Variants in RAB27B observed in about 807,000 individuals in gnomAD.
RAB27B encodes RAB27B, member RAS oncogene family.
Under a neutral mutation model 24.6 loss-of-function variants are expected in RAB27B, and 15 were observed. That is an observed-to-expected ratio of 0.61 (90% confidence interval 0.41 to 0.94). The LOEUF is 0.94. Ranked by LOEUF, RAB27B falls within the 40% of genes least tolerant of loss-of-function variation. The pLI, the probability that RAB27B is intolerant of heterozygous loss-of-function variation, is 0.00. For synonymous variants in RAB27B, 105 were observed against 92.5 expected (o/e 1.14, Z -0.78); for missense variants, 261 against 266.8 (o/e 0.98, Z 0.15).
chr18:54,873,546 T>C (rs2064814307), intron 1 of RAB27B, among the ~76,000 whole-genome samples: 1 of 152,186 alleles, frequency 6.6e-6, no homozygotes, highest in African/African-American at 2.4e-5. Flanking sequence ...TTTAGCCCAG[T>C]TCTAGGAAAA....
chr18:54,879,624 C>T, intron 3 of RAB27B, 170 bp downstream of exon 3: 1 of 607,268 alleles, frequency 1.6e-6, no homozygotes, highest in Non-Finnish European at 2.9e-6. Flanking sequence ...TAATTAATCA[C>T]AGTAGCACTG....
In RAB27B at chr18:54,844,408, C is replaced by CT. The variant is rs148747981; in HGVS notation, c.-20+15726dup. ...TTTCTTTCTTTCTTTCTTTTCTTTTCTTTTTTTTTTTTTTTTTTGATACAG... is the reference window on the plus strand; with the variant it reads ...TTTCTTTCTTTCTTTCTTTTCTTTTCTTTTTTTTTTTTTTTTTTTGATACAG... On this transcript the variant is annotated intron_variant, in intron 1 of 5. Transcript: ENST00000262094. Among the ~76,000 whole-genome samples, 525 of 107,864 alleles carry CT rather than the reference C, an allele frequency of 4.9e-3. 22 individuals carry two copies. Among genetic ancestry groups the CT allele is most frequent in the South Asian group, 0.036 (112 of 3,138 alleles). 70.8% of individuals were successfully genotyped at this position (107,864 alleles called of 152,430 possible). A position where few individuals can be genotyped will look rare whatever the true frequency, so the allele number is the denominator to read the frequency against.
At chr18:54,804,175 T>C (rs1173954987) in intron 2 of RAB27B, among the ~76,000 whole-genome samples, 3 of 152,184 alleles carry the variant, frequency 2.0e-5, no homozygotes, top group Non-Finnish European at 4.4e-5. Context: ...GTTTGACTTC[T>C]AGGAAAGAGC....
At chr18:54,840,644 A>T (rs1911071372) in intron 1 of RAB27B, among the ~76,000 whole-genome samples, 1 of 152,210 alleles carries the variant, frequency 6.6e-6, no homozygotes, top group African/African-American at 2.4e-5. Context: ...AAGTTAAATA[A>T]ATGTTTTGAT....
At chr18:54,724,487 G>T (rs555871909) in intron 2 of RAB27B, among the ~76,000 whole-genome samples, 2 of 151,512 alleles carry the variant, frequency 1.3e-5, no homozygotes, top group South Asian at 4.2e-4. Flanking sequence ...GCTTTGGGAG[G>T]CTTAGGCAGG....
At chr18:54,811,627 T>C (rs1045131944) in intron 2 of RAB27B, among the ~76,000 whole-genome samples, 6 of 152,160 alleles carry the variant, frequency 3.9e-5, no homozygotes, top group Admixed American at 1.3e-4. Context: ...TTGTCTCAGG[T>C]GAGCAGAGGA....
intron 3 of RAB27B, chr18:54,880,436 C>G (rs1161366241): frequency 6.6e-6 from 1 of 152,130 alleles, no homozygotes; most frequent in African/African-American, 2.4e-5. Context: ...AGGCACATAC[C>G]TCCAAATCCT....
chr18:54,887,085 C>G lies in RAB27B; in HGVS notation c.344-910C>G, dbSNP rs1913174467. Among the ~76,000 whole-genome samples, 3 of 125,984 alleles carry G rather than the reference C, an allele frequency of 2.4e-5. No individual in the cohort carries two copies. In the Admixed American group the frequency reaches 2.6e-4, roughly 11 times the overall value. 82.7% of individuals were successfully genotyped at this position (125,984 alleles called of 152,430 possible). ...CTCCCTCCCTCCTCTTTCTCTCTCT[C>G]TCCTCCCCCCTCCGCCCACACATAG... On this transcript the variant is annotated intron_variant, in intron 4 of 5. Coordinates refer to ENST00000262094, the MANE Select transcript of RAB27B (RefSeq NM_004163.4).
chr18:54,816,463 G>T (rs1053668457), intron 2 of RAB27B, among the ~76,000 whole-genome samples: 2 of 152,086 alleles, frequency 1.3e-5, no homozygotes. Flanking sequence ...GACATATTTG[G>T]AGCTATATGT....
chr18:54,859,966 C>G (rs1035991726), intron 1 of RAB27B, among the ~76,000 whole-genome samples: 18 of 152,116 alleles, frequency 1.2e-4, no homozygotes, highest in African/African-American at 3.9e-4. Context: ...CTCAGCCATG[C>G]CTTTCCCTTG....
chr18:54,816,472 G>A (rs1414558493), intron 2 of RAB27B, among the ~76,000 whole-genome samples: 1 of 152,176 alleles, frequency 6.6e-6, no homozygotes, highest in Non-Finnish European at 1.5e-5. Flanking sequence ...GGAGCTATAT[G>A]TTTAAATATT....
chr18:54,828,275 A>G (rs12964118), upstream of RAB27B: 34,837 of 152,150 alleles, frequency 0.23, 4,234 homozygotes, highest in East Asian at 0.39. Flanking sequence ...CTCGCTGGTA[A>G]GGCTAGAAGC....
chr18:54,880,096 T>C (rs1912862991), intron 3 of RAB27B: 1 of 54,662 alleles, frequency 1.8e-5, no homozygotes, highest in Admixed American at 2.4e-4. Flanking sequence ...AATAATTATA[T>C]GCCACCTTGT....
intron 2 of RAB27B, among the ~76,000 whole-genome samples, chr18:54,738,911 G>C (rs1325383542): frequency 1.3e-5 from 2 of 152,108 alleles, no homozygotes; most frequent in African/African-American, 4.8e-5. Context: ...GTGTCTTCAA[G>C]ATAGAGAATA....
chr18:54,759,628 T>C (rs1819894), intron 2 of RAB27B, among the ~76,000 whole-genome samples: 70,309 of 152,138 alleles, frequency 0.46, 17,748 homozygotes, highest in Middle Eastern at 0.58. Context: ...AAAGTGAGAA[T>C]GTGCATTCCT....
At chr18:54,727,086 A>C (rs1909562562) in intron 2 of RAB27B, among the ~76,000 whole-genome samples, 1 of 152,146 alleles carries the variant, frequency 6.6e-6, no homozygotes, top group South Asian at 2.1e-4. Flanking sequence ...GGGTTTAAGC[A>C]TTCTACCTCA....
chr18:54,825,640 G>T (rs1199523636), upstream of RAB27B, among the ~76,000 whole-genome samples: 1 of 152,040 alleles, frequency 6.6e-6, no homozygotes, highest in East Asian at 1.9e-4. Context: ...ATCTCTAGGA[G>T]CAGGGTAAAA....
rs144667754 is a variant in RAB27B, at chr18:54,784,861, G to A, written c.-20+66720G>A. On this transcript the variant is annotated intron_variant, in intron 2 of 4. Transcript: ENST00000586570. ...TGGGATTGCTGGGTCAAAAACAGCA[G>A]ACAATGTGCTACTCTTAAAACATAT... Among the ~76,000 whole-genome samples the A allele has an allele frequency of 2.6e-5, 4 of 152,192 alleles. No homozygotes were observed. The East Asian group carries it at 7.7e-4, about 29-fold the overall frequency.
At chr18:54,807,886 TTCA>T (rs768957323) in intron 2 of RAB27B, among the ~76,000 whole-genome samples, 19 of 152,184 alleles carry the variant, frequency 1.2e-4, no homozygotes, top group Non-Finnish European at 1.6e-4. Flanking sequence ...GCCTTATTAC[TTCA>T]TCACTTCAGG....
Sources: allele counts gnomAD v4.1 joint callset (sites outside exome capture counted in the v4.1 genomes callset), GRCh38; gene constraint gnomAD v4.1.1; transcripts MANE v1.5; gene names NCBI Gene and HGNC (gene_info 2026-07-23, HGNC 2026-07-21).